ADAMTS20: variants seen among roughly 807,000 people sequenced by gnomAD.
ADAMTS20 encodes the protein A disintegrin and metalloproteinase with thrombospondin motifs 20.
ADAMTS20 carries 225 observed loss-of-function variants against 260.1 expected under a neutral mutation model. The ratio of observed to expected loss-of-function variants is 0.87; its 90% CI spans 0.78 to 0.97. The LOEUF (loss-of-function observed/expected upper bound fraction) is 0.97. ADAMTS20 is among the 50% of genes least tolerant of loss of function. The pLI is 0.00. For missense variants in ADAMTS20, 2,400 were observed against 2,337.7 expected (o/e 1.03, Z -0.55); for synonymous variants, 802 against 769.5 (o/e 1.04, Z -0.70).
chr12:43,495,111 C>T (rs1276685262), intron 4 of ADAMTS20, among the ~76,000 whole-genome samples: 1 of 152,104 alleles, frequency 6.6e-6, no homozygotes, highest in Non-Finnish European at 1.5e-5. Flanking sequence ...TATATAATCA[C>T]AAAAATATTT....
intron 3 of ADAMTS20, among the ~76,000 whole-genome samples, chr12:43,508,578 G>C (rs1357867367): frequency 6.6e-6 from 1 of 151,150 alleles, no homozygotes; most frequent in Non-Finnish European, 1.5e-5. Context: ...TGGGGACCTG[G>C]TTCAGAGTGT....
chr12:43,492,730 C>T (rs1337301790), intron 5 of ADAMTS20, 101 bp from the exon 6 acceptor site: 10 of 1,346,576 alleles, frequency 7.4e-6, no homozygotes, highest in African/African-American at 1.4e-5. Flanking sequence ...AGCATTCTCA[C>T]AGGTGAATGA....
At chr12:43,457,058 A>G (rs1261212635) in intron 11 of ADAMTS20, among the ~76,000 whole-genome samples, 1 of 152,218 alleles carries the variant, frequency 6.6e-6, no homozygotes, top group Admixed American at 6.5e-5. Context: ...GGTTCACTAT[A>G]TTTAACAATG....
At chr12:43,380,006 C>T (rs1018914553) in intron 31 of ADAMTS20, among the ~76,000 whole-genome samples, 1 of 151,606 alleles carries the variant, frequency 6.6e-6, no homozygotes, top group African/African-American at 2.4e-5. Flanking sequence ...AACTATAGAC[C>T]AGTAGTTCTT....
intron 7 of ADAMTS20, among the ~76,000 whole-genome samples, chr12:43,470,480 C>G (rs894021535): frequency 1.3e-5 from 2 of 152,150 alleles, no homozygotes; most frequent in Non-Finnish European, 2.9e-5. Flanking sequence ...ACCTACAAAA[C>G]TCAAAGTAAA....
At chr12:43,367,037 A>G (rs1225654183) in intron 37 of ADAMTS20, among the ~76,000 whole-genome samples, 1 of 151,980 alleles carries the variant, frequency 6.6e-6, no homozygotes, top group Non-Finnish European at 1.5e-5. Context: ...CATCTATAAT[A>G]AATAAAGAGA....
intron 28 of ADAMTS20, among the ~76,000 whole-genome samples, chr12:43,411,595 T>G (rs1166368884): frequency 1.3e-5 from 2 of 152,114 alleles, no homozygotes; most frequent in Non-Finnish European, 2.9e-5. Context: ...CTTGAACTTC[T>G]GACCTCAGGT....
At chr12:43,465,023 A>C (rs1942130263) in intron 9 of ADAMTS20, among the ~76,000 whole-genome samples, 1 of 152,172 alleles carries the variant, frequency 6.6e-6, no homozygotes, top group Non-Finnish European at 1.5e-5. Flanking sequence ...TCATCAGAAC[A>C]TTATTTATGA....
intron 3 of ADAMTS20, among the ~76,000 whole-genome samples, chr12:43,519,359 C>T (rs1034922181): frequency 6.6e-6 from 1 of 152,262 alleles, no homozygotes; most frequent in South Asian, 2.1e-4. Context: ...TAATTTCTTG[C>T]TGATTTCCTA....
chr12:43,492,631 T>TATGCAAAATAAGCA lies in ADAMTS20; in HGVS notation c.952-16_952-3dup. The stretch of plus-strand genomic sequence containing the variant: ...ATCAAAATTAATGACTGGTCCTTCC[T>TATGCAAAATAAGCA]ATGCAAAATAAGCAATGCAATACTA... On this transcript the variant is annotated splice_region_variant and splice_polypyrimidine_tract_variant and intron_variant, in intron 5 of 38. Coordinates refer to ENST00000389420, the MANE Select transcript of ADAMTS20 (RefSeq NM_025003.5). The TATGCAAAATAAGCA allele has an allele frequency of 6.2e-7, 1 of 1,613,624 alleles. No individual in the cohort carries two copies. Among genetic ancestry groups the TATGCAAAATAAGCA allele is most frequent in the Non-Finnish European group, 8.5e-7 (1 of 1,179,722 alleles).
intron 29 of ADAMTS20, among the ~76,000 whole-genome samples, chr12:43,391,681 G>A (rs576541789): frequency 2.6e-5 from 4 of 152,094 alleles, no homozygotes; most frequent in African/African-American, 9.6e-5. Context: ...TATTATAAGG[G>A]GGAAAAATCA....
intron 2 of ADAMTS20, among the ~76,000 whole-genome samples, chr12:43,538,125 A>G (rs1943322749): frequency 1.3e-5 from 2 of 152,204 alleles, no homozygotes; most frequent in African/African-American, 4.8e-5. Flanking sequence ...ACTAATTTAC[A>G]TTCCCACCAC....
chr12:43,464,792 T>C, intron 9 of ADAMTS20, 60 bp from the exon 10 acceptor site: 1 of 1,511,082 alleles, frequency 6.6e-7, no homozygotes, highest in Non-Finnish European at 8.9e-7. Flanking sequence ...CCAGTATGAT[T>C]CTTTATCACA....
intron 37 of ADAMTS20, among the ~76,000 whole-genome samples, chr12:43,359,105 C>T (rs556420569): frequency 2.0e-5 from 3 of 152,040 alleles, no homozygotes; most frequent in Admixed American, 2.0e-4. Context: ...AGAGTAGATA[C>T]GTAGTATGAA....
intron 3 of ADAMTS20, among the ~76,000 whole-genome samples, chr12:43,518,075 G>A (rs1510520): frequency 0.59 from 89,939 of 151,654 alleles, 27,236 homozygotes; most frequent in East Asian, 0.97. Flanking sequence ...ATTTAATTTC[G>A]TTTTACTTAA....
chr12:43,538,090 C>T (rs1943322478), intron 2 of ADAMTS20, among the ~76,000 whole-genome samples: 1 of 152,212 alleles, frequency 6.6e-6, no homozygotes, highest in Non-Finnish European at 1.5e-5. Context: ...TGAGGACCCT[C>T]CAAACTCTTC....
At chr12:43,525,186 G>A (rs1943125161) in intron 3 of ADAMTS20, among the ~76,000 whole-genome samples, 1 of 152,208 alleles carries the variant, frequency 6.6e-6, no homozygotes, top group Admixed American at 6.5e-5. Flanking sequence ...AGACTTCTCA[G>A]CAGAAACCTT....
At position 43,454,018 on chromosome 12, in the gene ADAMTS20, G is replaced by A. The variant is rs775448634; in HGVS notation, c.1649C>T (p.Thr550Met). 3.3e-5 allele frequency: 53 copies of A among 1,613,458 alleles called. No individual in the cohort carries two copies. Among genetic ancestry groups the A allele is most frequent in the South Asian group, 5.5e-5 (5 of 91,048 alleles). Residue 550 changes from threonine to methionine, a missense_variant, in exon 12 of 39, where the codon ACG becomes ATG. Transcript: ENST00000389420. ...CRHGLCVNKETETRPVNGEWG... is the reference protein window; with the variant it reads ...CRHGLCVNKEMETRPVNGEWG... ...TTCACCATTTACAGGACGTGTTTCC[G>A]TTTCTTTGTTTACACATAGCCCATG...
At chr12:43,390,776 G>A (rs1940580264) in intron 29 of ADAMTS20, among the ~76,000 whole-genome samples, 1 of 152,138 alleles carries the variant, frequency 6.6e-6, no homozygotes, top group Non-Finnish European at 1.5e-5. Flanking sequence ...CTCAAAGATT[G>A]AGGCTCTCTC....
Sources: gnomAD v4.1 joint callset for allele counts (sites outside exome capture counted in the v4.1 genomes callset) on GRCh38, gnomAD v4.1.1 for gene constraint, MANE v1.5 for transcripts, NCBI Gene and HGNC (gene_info 2026-07-23, HGNC 2026-07-21) for gene names.